Variants in SORCS2 observed in about 807,000 individuals in gnomAD.
SORCS2 encodes VPS10 domain-containing receptor SorCS2.
In SORCS2, 100 loss-of-function variants were observed where a neutral mutation model predicts 141.6. That is an observed-to-expected ratio of 0.71 (90% CI 0.60 to 0.83). The LOEUF (loss-of-function observed/expected upper bound fraction) is 0.83. Among genes scored for constraint, SORCS2 ranks in the 40% least tolerant of loss-of-function variants. The pLI is 0.00. For missense variants in SORCS2, 1,646 were observed against 1,560.2 expected (o/e 1.05, Z -0.93); for synonymous variants, 789 against 676.9 (o/e 1.17, Z -2.57).
chr4:7,637,199 T>C (rs1027008387), intron 3 of SORCS2, among the ~76,000 whole-genome samples: 2 of 152,204 alleles, frequency 1.3e-5, no homozygotes, highest in African/African-American at 2.4e-5. Context: ...ACGAATCTTT[T>C]TGGGGTCACT....
chr4:7,479,478 C>A (rs576386451), intron 2 of SORCS2, among the ~76,000 whole-genome samples: 27 of 152,342 alleles, frequency 1.8e-4, no homozygotes, highest in African/African-American at 6.5e-4. Flanking sequence ...AGGGCCAAAC[C>A]TTTCTTTGCA....
rs534362138 is a variant in SORCS2 at position 7,340,581 on chromosome 4, C to T, written c.481-55707C>T. Among the ~76,000 whole-genome samples, 5 of 152,334 alleles carry T rather than the reference C, an allele frequency of 3.3e-5. No individual in the cohort carries two copies. The East Asian group carries it at 5.8e-4, about 18-fold the overall frequency. On this transcript the variant is annotated intron_variant, in intron 1 of 26. Coordinates refer to ENST00000507866, the MANE Select transcript of SORCS2 (RefSeq NM_020777.3). The stretch of plus-strand genomic sequence containing the variant: ...TCTCCTCCAGGCCCGTCCCTCACTG[C>T]GGGGTCTGAAACAGCCTCTTTCTGA...
intron 1 of SORCS2, among the ~76,000 whole-genome samples, chr4:7,359,621 G>C (rs1721461600): frequency 6.6e-6 from 1 of 152,226 alleles, no homozygotes; most frequent in Non-Finnish European, 1.5e-5. Flanking sequence ...GATCCCGGCA[G>C]CTGGCAGCCA....
chr4:7,707,520 T>A (rs1725546193), intron 14 of SORCS2, among the ~76,000 whole-genome samples: 1 of 152,206 alleles, frequency 6.6e-6, no homozygotes, highest in South Asian at 2.1e-4. Flanking sequence ...ACAGCGCGAA[T>A]TCCTGCCGCC....
intron 19 of SORCS2, among the ~76,000 whole-genome samples, chr4:7,724,156 G>A (rs59146520): frequency 3.4e-5 from 5 of 148,368 alleles, no homozygotes; most frequent in South Asian, 2.1e-4. Context: ...TCGTGGTGGT[G>A]GTGGTGATGG....
intron 1 of SORCS2, among the ~76,000 whole-genome samples, chr4:7,388,738 A>G (rs771783556): frequency 6.6e-6 from 1 of 152,158 alleles, no homozygotes; most frequent in African/African-American, 2.4e-5. Context: ...TGAACGTAAG[A>G]GTGGGCACGG....
intron 1 of SORCS2, among the ~76,000 whole-genome samples, chr4:7,211,680 C>T (rs1292153793): frequency 6.6e-6 from 1 of 152,106 alleles, no homozygotes; most frequent in African/African-American, 2.4e-5. Flanking sequence ...GCCTAGGATG[C>T]CTTTTAAAGA....
intron 2 of SORCS2, among the ~76,000 whole-genome samples, chr4:7,467,387 C>G (rs1423373926): frequency 6.6e-6 from 1 of 152,192 alleles, no homozygotes; most frequent in Non-Finnish European, 1.5e-5. Context: ...ACCCTGGGGC[C>G]TTCGGTTGGC....
At chr4:7,485,913 C>A (rs1730952248) in intron 2 of SORCS2, among the ~76,000 whole-genome samples, 1 of 152,184 alleles carries the variant, frequency 6.6e-6, no homozygotes, top group African/African-American at 2.4e-5. Context: ...CACCATGGGG[C>A]TTCCTCTGTG....
At chr4:7,722,363 G>A (rs1726649937) in intron 18 of SORCS2, among the ~76,000 whole-genome samples, 2 of 152,216 alleles carry the variant, frequency 1.3e-5, no homozygotes, top group Non-Finnish European at 2.9e-5. Flanking sequence ...CTGGGCTTTG[G>A]AGAGCCTCAG....
At chr4:7,395,460 G>A (rs1202436950) in intron 1 of SORCS2, among the ~76,000 whole-genome samples, 1 of 152,196 alleles carries the variant, frequency 6.6e-6, no homozygotes, top group Non-Finnish European at 1.5e-5. Flanking sequence ...TGATGTACAT[G>A]AAAACGCAGT....
At chr4:7,413,639 C>T (rs571609223) in intron 2 of SORCS2, among the ~76,000 whole-genome samples, 51 of 152,236 alleles carry the variant, frequency 3.4e-4, no homozygotes, top group African/African-American at 1.1e-3. Context: ...CTGCCTGCCT[C>T]GGCCTCCCAA....
chr4:7,644,530 G>T (rs1052010161), intron 4 of SORCS2, among the ~76,000 whole-genome samples: 18 of 152,352 alleles, frequency 1.2e-4, no homozygotes, highest in African/African-American at 3.8e-4. Context: ...GGGAGTCCAA[G>T]TGATGCTGGG....
chr4:7,298,676 G>C (rs1429662605), intron 1 of SORCS2, among the ~76,000 whole-genome samples: 1 of 152,208 alleles, frequency 6.6e-6, no homozygotes, highest in East Asian at 1.9e-4. Context: ...CTGGTGTCAT[G>C]GAGGAGGAGG....
chr4:7,601,377 G>C (rs973073628), intron 3 of SORCS2, among the ~76,000 whole-genome samples: 2 of 151,032 alleles, frequency 1.3e-5, no homozygotes, highest in Non-Finnish European at 2.9e-5. Context: ...TTAAACATTT[G>C]TAGAACTCTT....
chr4:7,509,778 G>C (rs1426024830), intron 2 of SORCS2, among the ~76,000 whole-genome samples: 3 of 152,206 alleles, frequency 2.0e-5, no homozygotes, highest in Non-Finnish European at 4.4e-5. Context: ...CGCCCACCGG[G>C]GCTGTGTTCT....
chr4:7,569,089 C>T (rs1196444393), intron 3 of SORCS2, among the ~76,000 whole-genome samples: 1 of 152,216 alleles, frequency 6.6e-6, no homozygotes. Flanking sequence ...CTGGAAGCTG[C>T]TTCCATTTCC....
chr4:7,257,269 G>A (rs1369914957), intron 1 of SORCS2, among the ~76,000 whole-genome samples: 4 of 151,366 alleles, frequency 2.6e-5, no homozygotes, highest in Non-Finnish European at 4.4e-5. Context: ...TGTGCCTGGC[G>A]CCAGGAGTGC....
intron 2 of SORCS2, among the ~76,000 whole-genome samples, chr4:7,403,714 T>C (rs1442468728): frequency 6.6e-6 from 1 of 151,702 alleles, no homozygotes; most frequent in Non-Finnish European, 1.5e-5. Context: ...CTTAATCTCA[T>C]TTAATTCCAT....
Sources: gnomAD v4.1 joint callset for allele counts (sites outside exome capture counted in the v4.1 genomes callset) on GRCh38, gnomAD v4.1.1 for gene constraint, MANE v1.5 for transcripts, NCBI Gene and HGNC (gene_info 2026-07-23, HGNC 2026-07-21) for gene names.